Variants in SNTB1 observed in about 807,000 individuals in gnomAD.
The protein encoded by SNTB1 is beta-1-syntrophin.
A neutral mutation model predicts 48.9 loss-of-function variants in SNTB1; 36 were observed. The observed-to-expected ratio is 0.74, with a 90% CI of 0.56 to 0.97. SNTB1 has a LOEUF of 0.97. Ranked by LOEUF, SNTB1 falls within the 50% of genes least tolerant of loss-of-function variation. The probability of loss-of-function intolerance (pLI) is 0.00; values close to 1 mark genes in which losing one functional copy is unlikely to be tolerated. For missense variants in SNTB1, 786 were observed against 703.4 expected, an observed-to-expected ratio of 1.12 and a Z score of -1.33; for synonymous variants, 299 against 294.6, an observed-to-expected ratio of 1.01 and a Z score of -0.15.
At chr8:120,620,608 C>T (rs774656172) in intron 3 of SNTB1, among the ~76,000 whole-genome samples, 2 of 152,066 alleles carry the variant, frequency 1.3e-5, no homozygotes, top group African/African-American at 4.8e-5. Flanking sequence ...TTGAATTCAA[C>T]AGCTAATATA....
chr8:120,731,680 A>G lies in SNTB1; in HGVS notation c.572-37772T>C, dbSNP rs1427921612. On this transcript the variant is annotated intron_variant, in intron 1 of 6. Coordinates refer to ENST00000517992, the MANE Select transcript of SNTB1 (RefSeq NM_021021.4). ...TGGCAGGGGCAGAAAACTGGGGCTC[A>G]CTGAGAGAAGACTGGCCCTGAATCA... 3.3e-5 allele frequency among the ~76,000 whole-genome samples: 5 copies of G among 152,222 alleles called. No individual in the cohort carries two copies. The East Asian group carries it at 9.6e-4, about 29-fold the overall frequency.
chr8:120,636,371 T>A (rs985859764), intron 2 of SNTB1, among the ~76,000 whole-genome samples: 41 of 139,442 alleles, frequency 2.9e-4, no homozygotes, highest in African/African-American at 1.0e-3. Flanking sequence ...TAGGTATATC[T>A]CCCGATGCTA....
chr8:120,668,531 T>G (rs918720886), intron 2 of SNTB1, among the ~76,000 whole-genome samples: 2 of 152,190 alleles, frequency 1.3e-5, no homozygotes, highest in African/African-American at 4.8e-5. Context: ...TTAGATTGTA[T>G]TTGCTTCAGG....
At chr8:120,584,035 C>G (rs1816092545) in intron 3 of SNTB1, among the ~76,000 whole-genome samples, 1 of 152,162 alleles carries the variant, frequency 6.6e-6, no homozygotes, top group Non-Finnish European at 1.5e-5. Context: ...CTCAGCAGGT[C>G]TGGCGTGGTG....
intron 6 of SNTB1, chr8:120,541,037 A>C (rs1586984514): frequency 6.6e-6 from 1 of 152,234 alleles, no homozygotes; most frequent in East Asian, 1.9e-4. Flanking sequence ...TACATTTGAC[A>C]GCTTAAATGA....
At chr8:120,728,065 G>C (rs946579713) in intron 1 of SNTB1, among the ~76,000 whole-genome samples, 1 of 151,582 alleles carries the variant, frequency 6.6e-6, no homozygotes, top group Non-Finnish European at 1.5e-5. Context: ...TTGCTCTGTC[G>C]CTCAGCCTGG....
intron 2 of SNTB1, among the ~76,000 whole-genome samples, chr8:120,678,376 T>G (rs1639121016): frequency 6.6e-6 from 1 of 152,180 alleles, no homozygotes; most frequent in Non-Finnish European, 1.5e-5. Flanking sequence ...ATGGTCCCTG[T>G]AGACCTTGGC....
At chr8:120,602,178 G>C (rs146879005) in intron 3 of SNTB1, among the ~76,000 whole-genome samples, 2 of 152,304 alleles carry the variant, frequency 1.3e-5, no homozygotes, top group African/African-American at 4.8e-5. Context: ...TTTAACCCAT[G>C]ACTCACAGTA....
chr8:120,660,228 T>C (rs1817568069), intron 2 of SNTB1, among the ~76,000 whole-genome samples: 1 of 152,246 alleles, frequency 6.6e-6, no homozygotes, highest in Non-Finnish European at 1.5e-5. Context: ...TCTCTAGCTA[T>C]GAAAGTCCTA....
At chr8:120,554,438 G>A (rs1162860665) in intron 4 of SNTB1, among the ~76,000 whole-genome samples, 1 of 152,156 alleles carries the variant, frequency 6.6e-6, no homozygotes, top group Non-Finnish European at 1.5e-5. Flanking sequence ...AGGACAATGA[G>A]CGCTGACTGA....
chr8:120,582,842 G>A (rs1013840448), intron 3 of SNTB1, among the ~76,000 whole-genome samples: 6 of 152,094 alleles, frequency 3.9e-5, no homozygotes, highest in African/African-American at 1.4e-4. Context: ...TGGGTTGATA[G>A]GTGCAGCAAA....
intron 2 of SNTB1, among the ~76,000 whole-genome samples, chr8:120,662,004 A>C (rs887717365): frequency 1.3e-5 from 2 of 151,730 alleles, no homozygotes; most frequent in African/African-American, 4.8e-5. Flanking sequence ...TATTTTAAAC[A>C]CTCACTGTAC....
intron 3 of SNTB1, among the ~76,000 whole-genome samples, chr8:120,616,298 ATTTT>A (rs137921428): frequency 1.1e-4 from 14 of 122,096 alleles, no homozygotes; most frequent in Non-Finnish European, 1.2e-4. Context: ...GATTAGCTTG[ATTTT>A]TTTTTTTTTT....
intron 4 of SNTB1, among the ~76,000 whole-genome samples, chr8:120,554,663 T>C (rs1393821314): frequency 6.6e-6 from 1 of 152,202 alleles, no homozygotes; most frequent in Non-Finnish European, 1.5e-5. Flanking sequence ...ATTTATTTCA[T>C]TGTTTAATAT....
chr8:120,801,602 T>C (rs929208890), intron 1 of SNTB1, among the ~76,000 whole-genome samples: 1 of 152,092 alleles, frequency 6.6e-6, no homozygotes, highest in Non-Finnish European at 1.5e-5. Context: ...TTAACAATAT[T>C]GTATGACTAT....
intron 2 of SNTB1, among the ~76,000 whole-genome samples, chr8:120,686,538 G>A (rs754292055): frequency 1.3e-5 from 2 of 150,644 alleles, no homozygotes; most frequent in Admixed American, 6.6e-5. Flanking sequence ...CCTCCCAAAG[G>A]TCTCATCTCT....
chr8:120,704,510 C>G (rs759615750), intron 1 of SNTB1, among the ~76,000 whole-genome samples: 2 of 151,704 alleles, frequency 1.3e-5, no homozygotes, highest in Non-Finnish European at 2.9e-5. Context: ...TTCTTTTCAT[C>G]ATCTCATAAA....
At chr8:120,802,699 C>A (rs1231889556) in intron 1 of SNTB1, among the ~76,000 whole-genome samples, 2 of 152,064 alleles carry the variant, frequency 1.3e-5, no homozygotes, top group East Asian at 3.8e-4. Context: ...TATTATTGAA[C>A]TCTAAGTATT....
intron 1 of SNTB1, among the ~76,000 whole-genome samples, chr8:120,755,898 G>A (rs572094001): frequency 5.9e-4 from 90 of 152,272 alleles, no homozygotes; most frequent in African/African-American, 2.0e-3. Context: ...AAGAAGTCTC[G>A]AAGATGGTAA....
Sources: gnomAD v4.1 joint callset for allele counts (sites outside exome capture counted in the v4.1 genomes callset) on GRCh38, gnomAD v4.1.1 for gene constraint, MANE v1.5 for transcripts, NCBI Gene and HGNC (gene_info 2026-07-23, HGNC 2026-07-21) for gene names.